Variants in ADCY8 observed in about 807,000 individuals in gnomAD.
ADCY8 encodes adenylate cyclase type 8.
ADCY8 carries 51 observed loss-of-function variants against 119.7 expected under a neutral mutation model. That is an observed-to-expected ratio of 0.43 (90% CI 0.34 to 0.54). The LOEUF is 0.54. Ranked by LOEUF, ADCY8 falls within the 20% of genes least tolerant of loss-of-function variation. ADCY8 has a pLI of 0.03. For synonymous variants in ADCY8, 665 were observed against 651.0 expected (o/e 1.02, Z -0.33); for missense variants, 1,383 against 1,598.8 (o/e 0.87, Z 2.30).
At chr8:131,016,128 G>C (rs190118338) in intron 1 of ADCY8, among the ~76,000 whole-genome samples, 1 of 152,150 alleles carries the variant, frequency 6.6e-6, no homozygotes, top group African/African-American at 2.4e-5. Context: ...AAATTATCTG[G>C]AGTGATAGAA....
intron 5 of ADCY8, among the ~76,000 whole-genome samples, chr8:130,915,023 T>C (rs902759969): frequency 5.9e-5 from 9 of 152,218 alleles, no homozygotes; most frequent in South Asian, 2.1e-4. Flanking sequence ...GACCTCCTAG[T>C]TGGGGAGGGG....
At chr8:130,906,963 A>C (rs775930176) in intron 6 of ADCY8, among the ~76,000 whole-genome samples, 1 of 151,978 alleles carries the variant, frequency 6.6e-6, no homozygotes, top group Non-Finnish European at 1.5e-5. Flanking sequence ...GCCCCAAATC[A>C]TATTAGTGGT....
At chr8:130,837,745 A>C (rs2130265830) in intron 11 of ADCY8, among the ~76,000 whole-genome samples, 1 of 152,320 alleles carries the variant, frequency 6.6e-6, no homozygotes, top group East Asian at 1.9e-4. Flanking sequence ...GCATTATCAA[A>C]GGCCCATTTT....
intron 5 of ADCY8, among the ~76,000 whole-genome samples, chr8:130,934,790 T>C (rs1234033396): frequency 6.6e-6 from 1 of 152,174 alleles, no homozygotes; most frequent in Admixed American, 6.5e-5. Context: ...AGGGAGATAG[T>C]AGAGAGGACA....
chr8:130,909,630 C>G (rs1819911865), intron 6 of ADCY8, 78 bp downstream of exon 6: 1 of 1,544,770 alleles, frequency 6.5e-7, no homozygotes, highest in African/African-American at 1.4e-5. Context: ...CCCTGAATTT[C>G]TGTACACAGG....
chr8:130,941,722 A>AAG (rs1477378651), intron 4 of ADCY8, among the ~76,000 whole-genome samples: 4 of 152,114 alleles, frequency 2.6e-5, no homozygotes, highest in African/African-American at 9.7e-5. Flanking sequence ...GTTGCTTGAC[A>AAG]AGTCCCTGCC....
chr8:130,938,897 G>A (rs1275040785), intron 4 of ADCY8, among the ~76,000 whole-genome samples: 1 of 152,104 alleles, frequency 6.6e-6, no homozygotes. Context: ...CAACACAGCT[G>A]ACAATTAGGT....
intron 1 of ADCY8, among the ~76,000 whole-genome samples, chr8:131,008,136 C>G (rs1387342488): frequency 6.6e-6 from 1 of 152,084 alleles, no homozygotes; most frequent in Non-Finnish European, 1.5e-5. Flanking sequence ...AATAGGGATG[C>G]AACGTCACCC....
At chr8:131,026,386 T>G (rs1036595303) in intron 1 of ADCY8, among the ~76,000 whole-genome samples, 23 of 152,312 alleles carry the variant, frequency 1.5e-4, no homozygotes, top group African/African-American at 3.9e-4. Flanking sequence ...AAATGTTTTT[T>G]TTTGTTTGTT....
chr8:130,931,116 A>C (rs1820618244), intron 5 of ADCY8, among the ~76,000 whole-genome samples: 1 of 152,180 alleles, frequency 6.6e-6, no homozygotes, highest in Non-Finnish European at 1.5e-5. Context: ...TTCTTATAAG[A>C]CAAGTCTGGT....
intron 1 of ADCY8, among the ~76,000 whole-genome samples, chr8:131,031,604 A>T (rs1183174250): frequency 3.9e-5 from 6 of 152,164 alleles, no homozygotes; most frequent in Non-Finnish European, 8.8e-5. Context: ...CTTTACCTTC[A>T]TGAAAGGATT....
intron 1 of ADCY8, among the ~76,000 whole-genome samples, chr8:131,009,495 A>G (rs896557594): frequency 2.0e-5 from 3 of 152,186 alleles, no homozygotes; most frequent in Non-Finnish European, 2.9e-5. Context: ...CACTCATTCT[A>G]TCTTCTGCCA....
chr8:130,974,979 G>T (rs1314576251), intron 2 of ADCY8, among the ~76,000 whole-genome samples: 2 of 152,148 alleles, frequency 1.3e-5, no homozygotes, highest in African/African-American at 2.4e-5. Context: ...GCTAACAGCA[G>T]TGGCAATGGT....
Position 130,780,411 on chromosome 8 carries a change from G to T in ADCY8, c.3735C>A (p.Thr1245=). 6.5e-7 allele frequency: 1 copy of T among 1,538,394 alleles called. No individual in the cohort carries two copies. Among genetic ancestry groups the T allele is most frequent in the Non-Finnish European group, 8.8e-7 (1 of 1,139,554 alleles). The change falls in exon 18 of 18, where the codon ACC becomes ACA. Residue 1245 remains threonine, a synonymous_variant. Transcript: ENST00000286355. The part of the protein sequence containing the change: ...GTEPGAQAEG[T]DKSDLP Reference sequence around the variant, plus strand: ...GCTTTTATGGCAAATCAGATTTGTCGGTGCCTTCAGCCTGGGCTCCAGGCT... The same window carrying T: ...GCTTTTATGGCAAATCAGATTTGTCTGTGCCTTCAGCCTGGGCTCCAGGCT...
intron 12 of ADCY8, among the ~76,000 whole-genome samples, chr8:130,828,242 T>C (rs181477072): frequency 6.6e-6 from 1 of 152,324 alleles, no homozygotes; most frequent in Admixed American, 6.5e-5. Context: ...TTTACAAAAG[T>C]AATCTTGTTT....
rs146813608 is a variant in ADCY8, at chr8:130,901,398, A to T, written c.1911+2374T>A. 2.0e-4 allele frequency among the ~76,000 whole-genome samples: 30 copies of T among 152,310 alleles called. No individual in the cohort carries two copies. In the East Asian group the frequency reaches 5.4e-3, roughly 27 times the overall value. Reference sequence around the variant, plus strand: ...ACACAGCAATTTGATGCCATTAAACATATTTCTAAGCACATATTATGAATG... The same window carrying T: ...ACACAGCAATTTGATGCCATTAAACTTATTTCTAAGCACATATTATGAATG... On this transcript the variant is annotated intron_variant, in intron 7 of 17. Coordinates refer to ENST00000286355, the MANE Select transcript of ADCY8 (RefSeq NM_001115.3).
intron 9 of ADCY8, among the ~76,000 whole-genome samples, chr8:130,851,772 A>G (rs1436236876): frequency 2.0e-5 from 3 of 152,212 alleles, no homozygotes; most frequent in Non-Finnish European, 4.4e-5. Context: ...GATGACATTA[A>G]TGTTTTTTAT....
At chr8:131,012,222 C>A (rs989960066) in intron 1 of ADCY8, among the ~76,000 whole-genome samples, 1 of 152,134 alleles carries the variant, frequency 6.6e-6, no homozygotes, top group Non-Finnish European at 1.5e-5. Flanking sequence ...GAAGAATCAC[C>A]ATCTGGAATG....
chr8:130,936,025 A>C (rs1820773931), intron 5 of ADCY8, among the ~76,000 whole-genome samples: 1 of 150,988 alleles, frequency 6.6e-6, no homozygotes, highest in African/African-American at 2.4e-5. Flanking sequence ...TCTTCCCTAG[A>C]TCAATTAAGT....
Sources: gnomAD v4.1 joint callset for allele counts (sites outside exome capture counted in the v4.1 genomes callset) on GRCh38, gnomAD v4.1.1 for gene constraint, MANE v1.5 for transcripts, NCBI Gene and HGNC (gene_info 2026-07-23, HGNC 2026-07-21) for gene names.